Variants in FBXO16 observed in about 807,000 individuals in gnomAD.
FBXO16 encodes F-box protein 16.
A neutral mutation model predicts 41.0 loss-of-function variants in FBXO16; 31 were observed. The ratio of observed to expected loss-of-function variants is 0.76; its 90% CI spans 0.57 to 1.02. The LOEUF is 1.02. Among genes scored for constraint, FBXO16 ranks in the 50% least tolerant of loss-of-function variants. The pLI, the probability that FBXO16 is intolerant of heterozygous loss-of-function variation, is 0.00. For missense variants in FBXO16, 361 were observed against 346.2 expected (o/e 1.04, Z -0.34); for synonymous variants, 133 against 117.8 (o/e 1.13, Z -0.84).
chr8:28,440,735 G>C (rs1007618932), intron 7 of FBXO16, among the ~76,000 whole-genome samples: 2 of 152,170 alleles, frequency 1.3e-5, no homozygotes, highest in South Asian at 4.1e-4. Context: ...GGCAATCAGG[G>C]TAAGCAGGCA....
chr8:28,485,996 C>G (rs1398696483), intron 1 of FBXO16, among the ~76,000 whole-genome samples: 1 of 151,438 alleles, frequency 6.6e-6, no homozygotes, highest in African/African-American at 2.4e-5. Flanking sequence ...ATACCAGCTA[C>G]TCAGGAGGCT....
At chr8:28,438,017 T>G (rs2130087833) in intron 7 of FBXO16, among the ~76,000 whole-genome samples, 1 of 152,234 alleles carries the variant, frequency 6.6e-6, no homozygotes, top group Non-Finnish European at 1.5e-5. Flanking sequence ...TCTTACACAG[T>G]GGAAACTGAC....
intron 4 of FBXO16, among the ~76,000 whole-genome samples, chr8:28,460,231 A>ATG: frequency 2.3e-5 from 2 of 88,710 alleles, no homozygotes; most frequent in African/African-American, 1.3e-4. Context: ...GTGTGTATAT[A>ATG]TATATATATA....
At chr8:28,463,029 TTATAC>T (rs1803162364) in intron 4 of FBXO16, among the ~76,000 whole-genome samples, 2 of 152,262 alleles carry the variant, frequency 1.3e-5, no homozygotes, top group Non-Finnish European at 2.9e-5. Context: ...CTAATGTGGC[TTATAC>T]TTTTTTCCCC....
chr8:28,443,196 A>G (rs1251253559), intron 7 of FBXO16, among the ~76,000 whole-genome samples: 2 of 151,862 alleles, frequency 1.3e-5, no homozygotes, highest in East Asian at 3.9e-4. Flanking sequence ...TAATTAAAAA[A>G]TGTTTTATTG....
intron 7 of FBXO16, among the ~76,000 whole-genome samples, chr8:28,432,189 C>G (rs976036801): frequency 6.6e-6 from 1 of 150,632 alleles, no homozygotes; most frequent in Non-Finnish European, 1.5e-5. Flanking sequence ...AATCAATACA[C>G]GAGGCCGGGT....
At chr8:28,430,108 G>A (rs372318240) in intron 7 of FBXO16, among the ~76,000 whole-genome samples, 21 of 152,224 alleles carry the variant, frequency 1.4e-4, no homozygotes, top group Admixed American at 5.2e-4. Flanking sequence ...GGTCTCACTC[G>A]GTCTCCAAGG....
At position 28,441,461 on chromosome 8, in the gene FBXO16, C is replaced by T. The variant is rs1053180777; in HGVS notation, c.843+5710G>A. On this transcript the variant is annotated intron_variant, in intron 7 of 8. Transcript: ENST00000380254. ...TTAAAATTAAAAATATAGGGCTGGG[C>T]GCAGGGGCTCACGCCTGTAATCCCA... Among the ~76,000 whole-genome samples, 18 of 152,122 alleles carry T rather than the reference C, an allele frequency of 1.2e-4. No individual in the cohort carries two copies. In the South Asian group the frequency reaches 1.9e-3, roughly 16 times the overall value.
At chr8:28,478,841 A>T (rs1803464314) in intron 2 of FBXO16, among the ~76,000 whole-genome samples, 1 of 141,706 alleles carries the variant, frequency 7.1e-6, no homozygotes, top group Non-Finnish European at 1.5e-5. Flanking sequence ...AAAAAAAAAA[A>T]ATTGTAATCC....
intron 7 of FBXO16, among the ~76,000 whole-genome samples, chr8:28,431,187 C>G (rs922713474): frequency 6.6e-6 from 1 of 152,128 alleles, no homozygotes; most frequent in Non-Finnish European, 1.5e-5. Flanking sequence ...TCACAGCCCT[C>G]CCTTTTCACC....
intron 4 of FBXO16, among the ~76,000 whole-genome samples, chr8:28,459,888 ATGG>A (rs1803097253): frequency 6.7e-6 from 1 of 149,938 alleles, no homozygotes; most frequent in African/African-American, 2.4e-5. Context: ...TTAGCCAGAC[ATGG>A]TGGCGCATGC....
chr8:28,478,161 T>A (rs559696751), intron 2 of FBXO16, among the ~76,000 whole-genome samples: 1 of 152,316 alleles, frequency 6.6e-6, no homozygotes, highest in East Asian at 1.9e-4. Context: ...ACCAAAAAAT[T>A]ATTATTATTA....
At chr8:28,452,733 G>A (rs137863210) in intron 5 of FBXO16, among the ~76,000 whole-genome samples, 2,189 of 152,058 alleles carry the variant, frequency 0.014, 52 homozygotes, top group African/African-American at 0.05. Flanking sequence ...CCTGGAAGGC[G>A]GAGGTTGCAG....
chr8:28,434,832 A>T (rs1802663562), intron 7 of FBXO16, among the ~76,000 whole-genome samples: 1 of 152,232 alleles, frequency 6.6e-6, no homozygotes, highest in African/African-American at 2.4e-5. Flanking sequence ...CAAACACAGG[A>T]GCAAGCTCCG....
chr8:28,463,052 T>A (rs943546276), intron 4 of FBXO16, among the ~76,000 whole-genome samples: 2 of 152,258 alleles, frequency 1.3e-5, no homozygotes, highest in African/African-American at 2.4e-5. Context: ...CCCATTTGAG[T>A]TCTAAATAGA....
intron 7 of FBXO16, among the ~76,000 whole-genome samples, chr8:28,437,485 T>C (rs962776665): frequency 5.3e-5 from 8 of 152,294 alleles, no homozygotes; most frequent in African/African-American, 1.9e-4. Flanking sequence ...ACAACCAAGA[T>C]TGTAGTTCTT....
At chr8:28,446,300 C>T (rs1227483600) in intron 7 of FBXO16, among the ~76,000 whole-genome samples, 1 of 149,884 alleles carries the variant, frequency 6.7e-6, no homozygotes, top group East Asian at 2.0e-4. Flanking sequence ...TCCTGCCTCC[C>T]CCGCACCCGC....
intron 2 of FBXO16, among the ~76,000 whole-genome samples, chr8:28,474,700 A>G (rs1452912344): frequency 3.3e-5 from 5 of 152,210 alleles, no homozygotes; most frequent in Non-Finnish European, 7.3e-5. Flanking sequence ...CCACTTGAAT[A>G]CTTGTTGGTA....
intron 7 of FBXO16, chr8:28,446,855 A>G: frequency 1.2e-5 from 2 of 167,840 alleles, no homozygotes; most frequent in Non-Finnish European, 2.6e-5. Flanking sequence ...CAGGAAGACA[A>G]GAACAAGACT....
Sources: gnomAD v4.1 joint callset for allele counts (sites outside exome capture counted in the v4.1 genomes callset) on GRCh38, gnomAD v4.1.1 for gene constraint, MANE v1.5 for transcripts, NCBI Gene and HGNC (gene_info 2026-07-23, HGNC 2026-07-21) for gene names.